MICAL3: variants seen among roughly 807,000 people sequenced by gnomAD.
MICAL3 encodes the protein [F-actin]-monooxygenase MICAL3.
Under a neutral mutation model 207.4 loss-of-function variants are expected in MICAL3, and 62 were observed. The ratio of observed to expected loss-of-function variants is 0.30; its 90% CI spans 0.24 to 0.37. The LOEUF (loss-of-function observed/expected upper bound fraction) is 0.37. Ranked by LOEUF, MICAL3 falls within the 10% of genes least tolerant of loss-of-function variation. MICAL3 has a pLI of 1.00. For synonymous variants in MICAL3, 1,077 were observed against 1,069.3 expected, an observed-to-expected ratio of 1.01 and a Z score of -0.14; for missense variants, 2,368 against 2,635.6, an observed-to-expected ratio of 0.90 and a Z score of 2.22.
At chr22:17,889,859 G>GT (rs983131652) in intron 12 of MICAL3, among the ~76,000 whole-genome samples, 1 of 152,074 alleles carries the variant, frequency 6.6e-6, no homozygotes, top group African/African-American at 2.4e-5. Context: ...CTTGATCCTT[G>GT]TGTATGGCCC....
At chr22:17,901,278 T>TG (rs1327800814) in intron 5 of MICAL3, among the ~76,000 whole-genome samples, 1 of 152,120 alleles carries the variant, frequency 6.6e-6, no homozygotes. Context: ...AAGGGATGCG[T>TG]GGGGGGAGCA....
intron 1 of MICAL3, among the ~76,000 whole-genome samples, chr22:17,962,467 GGGA>G (rs1275377087): frequency 6.6e-6 from 1 of 152,170 alleles, no homozygotes; most frequent in Non-Finnish European, 1.5e-5. Context: ...TGTGGGACCT[GGGA>G]GGAGGACAGG....
intron 29 of MICAL3, among the ~76,000 whole-genome samples, chr22:17,797,822 C>G (rs1036284499): frequency 1.3e-5 from 2 of 152,244 alleles, no homozygotes; most frequent in Non-Finnish European, 2.9e-5. Context: ...CAGCAGAGGA[C>G]GCAGAGGTGG....
chr22:17,857,278 G>A (rs934441207), intron 19 of MICAL3, among the ~76,000 whole-genome samples: 8 of 152,164 alleles, frequency 5.3e-5, no homozygotes, highest in East Asian at 1.9e-4. Context: ...TCAGATCAGC[G>A]GTGGCGGCAC....
intron 1 of MICAL3, among the ~76,000 whole-genome samples, chr22:17,938,812 G>A (rs1304955260): frequency 6.6e-6 from 1 of 152,134 alleles, no homozygotes; most frequent in Non-Finnish European, 1.5e-5. Flanking sequence ...AAAACCATCT[G>A]GGTAACACGT....
chr22:17,806,092 C>T (rs1407762126), intron 29 of MICAL3, among the ~76,000 whole-genome samples: 1 of 152,216 alleles, frequency 6.6e-6, no homozygotes, highest in Non-Finnish European at 1.5e-5. Context: ...TTTGTGCTGC[C>T]AGGTGAGCTT....
In MICAL3 at chr22:17,818,703, G is replaced by C. The variant is rs768258471; in HGVS notation, c.3958C>G (p.Arg1320Gly). The C allele has an allele frequency of 6.2e-7, 1 of 1,613,664 alleles. No homozygotes were observed. ...SPLAVDEALR[R>G]SDLVEEFWMK... Reference sequence around the variant, plus strand: ...CAGAACTCCTCCACCAGGTCGCTCCGTCTGAGGGCCTCATCCACAGCAAGG... The same window carrying C: ...CAGAACTCCTCCACCAGGTCGCTCCCTCTGAGGGCCTCATCCACAGCAAGG... Residue 1320 changes from arginine (R) to glycine (G), a missense_variant, in exon 26 of 32, where the codon CGG becomes GGG. Around this residue, in one of 4 missense-constraint regions of MICAL3, gnomAD observed 1,770 missense variants for 1,863.2 expected, o/e 0.95. Coordinates refer to ENST00000441493, the MANE Select transcript of MICAL3 (RefSeq NM_015241.3).
intron 16 of MICAL3, among the ~76,000 whole-genome samples, chr22:17,874,085 G>A (rs1569107244): frequency 6.6e-6 from 1 of 152,242 alleles, no homozygotes; most frequent in Admixed American, 6.5e-5. Context: ...GCAGGCGCTC[G>A]AGGGGCTCAC....
intron 1 of MICAL3, among the ~76,000 whole-genome samples, chr22:18,017,096 G>T (rs185814408): frequency 6.6e-6 from 1 of 152,184 alleles, no homozygotes; most frequent in African/African-American, 2.4e-5. Flanking sequence ...GAAAAAAGCC[G>T]TATAGAACCT....
rs1158729684 is a variant in MICAL3, at chr22:17,874,216, A to G, written c.2242-2193T>C. Reference sequence around the variant, plus strand: ...CAAGGATTGGTGCCATTTGCCCATTAACTTCACAGATTATACCTATTAGTG... The same window carrying G: ...CAAGGATTGGTGCCATTTGCCCATTGACTTCACAGATTATACCTATTAGTG... On this transcript the variant is annotated intron_variant, in intron 16 of 31. Transcript: ENST00000441493. 2.0e-5 allele frequency among the ~76,000 whole-genome samples: 3 copies of G among 152,198 alleles called. No homozygotes were observed. In the East Asian group the frequency reaches 5.8e-4, roughly 29 times the overall value.
At chr22:17,826,302 G>C in intron 22 of MICAL3, 1 of 217,346 alleles carries the variant, frequency 4.6e-6, no homozygotes, top group Non-Finnish European at 7.8e-6. Flanking sequence ...GCAAGGGCGG[G>C]CTGTCTGGCA....
At chr22:17,994,251 C>T (rs988512343) in intron 1 of MICAL3, among the ~76,000 whole-genome samples, 1 of 152,202 alleles carries the variant, frequency 6.6e-6, no homozygotes, top group African/African-American at 2.4e-5. Flanking sequence ...TGTAAGCTGA[C>T]TTTCTGTGGG....
chr22:18,018,136 A>C (rs1248555612), intron 1 of MICAL3, among the ~76,000 whole-genome samples: 2 of 152,052 alleles, frequency 1.3e-5, no homozygotes, highest in African/African-American at 4.8e-5. Context: ...GGCCTCCCAA[A>C]TTGCTGGGAT....
intron 16 of MICAL3, among the ~76,000 whole-genome samples, chr22:17,879,825 A>T (rs1468755739): frequency 6.6e-6 from 1 of 152,230 alleles, no homozygotes; most frequent in Non-Finnish European, 1.5e-5. Flanking sequence ...TAAATGACTA[A>T]GACAGCAGTC....
chr22:17,934,302 C>A (rs1316670660), intron 1 of MICAL3, among the ~76,000 whole-genome samples: 1 of 152,196 alleles, frequency 6.6e-6, no homozygotes, highest in Non-Finnish European at 1.5e-5. Context: ...GCTGGTTCAA[C>A]ATATGCAAAT....
At chr22:17,871,030 T>C (rs1185341817) in intron 17 of MICAL3, among the ~76,000 whole-genome samples, 1 of 152,208 alleles carries the variant, frequency 6.6e-6, no homozygotes, top group Admixed American at 6.5e-5. Flanking sequence ...TGCCACCTTA[T>C]AAAGATTACT....
intron 20 of MICAL3, among the ~76,000 whole-genome samples, chr22:17,834,077 C>T (rs930558707): frequency 1.3e-5 from 2 of 152,186 alleles, no homozygotes; most frequent in African/African-American, 4.8e-5. Context: ...CTCCGGAATT[C>T]GCCACTGGGG....
At chr22:17,949,855 G>C (rs191073533) in intron 1 of MICAL3, among the ~76,000 whole-genome samples, 1 of 152,354 alleles carries the variant, frequency 6.6e-6, no homozygotes, top group Admixed American at 6.5e-5. Context: ...AAAGCAACTG[G>C]GGAGCCTGGC....
At chr22:17,843,983 A>C (rs2146080694) in intron 19 of MICAL3, among the ~76,000 whole-genome samples, 1 of 152,176 alleles carries the variant, frequency 6.6e-6, no homozygotes, top group East Asian at 1.9e-4. Context: ...AGTAGCTGGG[A>C]CTACGGGCGC....
Sources: gnomAD v4.1 joint callset for allele counts (sites outside exome capture counted in the v4.1 genomes callset) on GRCh38, gnomAD v4.1.1 for gene constraint, gnomAD v4.1.1 regional missense constraint, MANE v1.5 for transcripts, NCBI Gene and HGNC (gene_info 2026-07-23, HGNC 2026-07-21) for gene names.